The following CRB1 variants were observed in gnomAD, a reference collection of about 807,000 sequenced individuals.
The protein encoded by CRB1 is crumbs cell polarity complex component 1, also known as protein crumbs homolog 1.
CRB1 carries 83 observed loss-of-function variants against 120.0 expected under a neutral mutation model. That is an observed-to-expected ratio of 0.69 (90% CI 0.58 to 0.83). CRB1 has a LOEUF of 0.83. Among genes scored for constraint, CRB1 ranks in the 40% least tolerant of loss-of-function variants. The probability of loss-of-function intolerance (pLI) is 0.00; values close to 1 mark genes in which losing one functional copy is unlikely to be tolerated. For missense variants in CRB1, 1,699 were observed against 1,687.6 expected (o/e 1.01, Z -0.12); for synonymous variants, 625 against 612.5 (o/e 1.02, Z -0.30).
chr1:197,473,700 T>G (rs1031995284), intron 11 of CRB1, among the ~76,000 whole-genome samples: 3 of 152,184 alleles, frequency 2.0e-5, no homozygotes, highest in African/African-American at 7.2e-5. Context: ...AAAAGCTCAG[T>G]GTTAGAGCAC....
intron 2 of CRB1, among the ~76,000 whole-genome samples, chr1:197,335,788 C>T (rs1659119903): frequency 6.6e-6 from 1 of 152,222 alleles, no homozygotes; most frequent in Non-Finnish European, 1.5e-5. Flanking sequence ...TGAGCCACCT[C>T]GCCCGGCCCC....
At chr1:197,364,990 C>T (rs944774972) in intron 5 of CRB1, among the ~76,000 whole-genome samples, 1 of 152,086 alleles carries the variant, frequency 6.6e-6, no homozygotes, top group African/African-American at 2.4e-5. Flanking sequence ...TAGGAGACTC[C>T]ATGTCTTCTT....
chr1:197,304,431 T>G (rs1488340533), intron 1 of CRB1: 1 of 961,974 alleles, frequency 1.0e-6, no homozygotes. Flanking sequence ...TATGTCCTGG[T>G]TCAGGTGTAT....
upstream of CRB1, among the ~76,000 whole-genome samples, chr1:197,267,516 C>T (rs1478261984): frequency 6.6e-6 from 1 of 152,060 alleles, no homozygotes; most frequent in Non-Finnish European, 1.5e-5. Context: ...TAAAGTGTAA[C>T]AGTGAACAGT....
At chr1:197,261,528 G>A in the CRB1 span, among the ~76,000 whole-genome samples, 5 of 152,234 alleles carry the variant, frequency 3.3e-5, no homozygotes, top group Non-Finnish European at 4.4e-5. Flanking sequence ...AAAAAAAGAA[G>A]CAAAATAATA....
At chr1:197,312,418 A>AAAAC (rs1318448017) in intron 1 of CRB1, among the ~76,000 whole-genome samples, 1 of 152,044 alleles carries the variant, frequency 6.6e-6, no homozygotes, top group Non-Finnish European at 1.5e-5. Flanking sequence ...ACAAAAAAAC[A>AAAAC]AAACAAACAA....
At chr1:197,284,086 T>G in intron 1 of CRB1, among the ~76,000 whole-genome samples, 1 of 151,936 alleles carries the variant, frequency 6.6e-6, no homozygotes, top group South Asian at 2.1e-4. Context: ...TATTTTAAAC[T>G]GCATAGGAGT....
chr1:197,345,921 A>G (rs1659745416), intron 3 of CRB1, among the ~76,000 whole-genome samples: 2 of 152,176 alleles, frequency 1.3e-5, no homozygotes, highest in Admixed American at 6.5e-5. Context: ...CTCTAGGGGC[A>G]TAAATCTACA....
intron 5 of CRB1, among the ~76,000 whole-genome samples, chr1:197,380,924 T>C (rs1661923348): frequency 6.6e-6 from 1 of 152,154 alleles, no homozygotes; most frequent in Admixed American, 6.5e-5. Flanking sequence ...GAACTGTCCT[T>C]GTTGGTGAGG....
chr1:197,208,072 A>AT, the CRB1 span, among the ~76,000 whole-genome samples: 301 of 150,874 alleles, frequency 2.0e-3, 1 homozygote, highest in African/African-American at 6.8e-3. Context: ...AGAAGTTGTG[A>AT]TTTTTTTTTA....
At chr1:197,469,606 T>C (rs1324676368) in intron 11 of CRB1, among the ~76,000 whole-genome samples, 1 of 152,082 alleles carries the variant, frequency 6.6e-6, no homozygotes, top group Non-Finnish European at 1.5e-5. Context: ...ACCACTGTTT[T>C]CTAAAATGAA....
chr1:197,292,657 C>T (rs1310374813), intron 1 of CRB1, among the ~76,000 whole-genome samples: 1 of 152,036 alleles, frequency 6.6e-6, no homozygotes, highest in Non-Finnish European at 1.5e-5. Context: ...TGAGAAAATC[C>T]TCAATAAAAT....
Position 197,328,418 on chromosome 1 carries a change from G to GTAGA in CRB1, c.71-2_72dup. ...TAATCTTGTTACTTTTTATTTCCTT[G>GTAGA]TAGATTCCTTTTGCAATAAAAACAA... On this transcript the variant is annotated splice_polypyrimidine_tract_variant and splice_region_variant and intron_variant, in intron 1 of 11. Coordinates refer to ENST00000367400, the MANE Select transcript of CRB1 (RefSeq NM_201253.3). The GTAGA allele has an allele frequency of 6.2e-7, 1 of 1,601,104 alleles. No individual in the cohort carries two copies. The highest frequency in any genetic ancestry group is 8.5e-7 in the Non-Finnish European group (1 of 1,170,210).
intron 10 of CRB1, chr1:197,439,723 C>T (rs1361687361): frequency 1.3e-5 from 2 of 151,996 alleles, no homozygotes; most frequent in African/African-American, 2.4e-5. Context: ...ACATATTTGA[C>T]AAAGATATTT....
At chr1:197,448,803 T>C (rs995373264) in intron 11 of CRB1, among the ~76,000 whole-genome samples, 60 of 152,340 alleles carry the variant, frequency 3.9e-4, no homozygotes, top group African/African-American at 1.2e-3. Context: ...TAATTATCTA[T>C]GCATGTACAC....
At chr1:197,283,867 T>A (rs1655675621) in intron 1 of CRB1, among the ~76,000 whole-genome samples, 1 of 151,588 alleles carries the variant, frequency 6.6e-6, no homozygotes, top group African/African-American at 2.4e-5. Context: ...AAATTTTAAG[T>A]CACAGAGCTA....
chr1:197,424,848 T>C (rs1401739633), intron 6 of CRB1, among the ~76,000 whole-genome samples: 1 of 152,190 alleles, frequency 6.6e-6, no homozygotes, highest in East Asian at 1.9e-4. Context: ...GTATGTGTTG[T>C]TCCTCTTCAT....
chr1:197,435,753 T>G, intron 9 of CRB1, 141 bp downstream of exon 9: 2 of 765,952 alleles, frequency 2.6e-6, no homozygotes, highest in African/African-American at 1.7e-5. Context: ...CTGTCACAAT[T>G]TGGTCATGTT....
intron 11 of CRB1, among the ~76,000 whole-genome samples, chr1:197,459,213 C>A (rs1169425955): frequency 1.3e-5 from 2 of 152,044 alleles, no homozygotes; most frequent in African/African-American, 4.8e-5. Context: ...AAAAATCCAG[C>A]CAGAGAAGAA....
Sources: gnomAD v4.1 joint callset for allele counts (sites outside exome capture counted in the v4.1 genomes callset) on GRCh38, gnomAD v4.1.1 for gene constraint, MANE v1.5 for transcripts, NCBI Gene and HGNC (gene_info 2026-07-23, HGNC 2026-07-21) for gene names.